PLPPR2: variants seen among roughly 807,000 people sequenced by gnomAD.
PLPPR2 encodes the protein phospholipid phosphatase related 2.
A neutral mutation model predicts 40.3 loss-of-function variants in PLPPR2; 11 were observed. The ratio of observed to expected loss-of-function variants is 0.27; its 90% CI spans 0.17 to 0.45. The LOEUF (loss-of-function observed/expected upper bound fraction) is 0.45, where lower values mean the gene tolerates loss of function less well. Ranked by LOEUF, PLPPR2 falls within the 20% of genes least tolerant of loss-of-function variation. The pLI, the probability that PLPPR2 is intolerant of heterozygous loss-of-function variation, is 1.00. For synonymous variants in PLPPR2, 260 were observed against 290.8 expected (o/e 0.89, Z 1.08); for missense variants, 497 against 640.7 (o/e 0.78, Z 2.42).
intron 3 of PLPPR2, 143 bp downstream of exon 3, chr19:11,357,882 G>T (rs573275577): frequency 4.7e-6 from 3 of 643,706 alleles, no homozygotes; most frequent in Non-Finnish European, 7.5e-6. Context: ...TATGAGCTTA[G>T]ATTCAGAAGT....
At position 11,359,691 on chromosome 19, in the gene PLPPR2, G is replaced by T; in HGVS notation, c.226G>T (p.Ala76Ser). 1 of 1,605,438 alleles carries T rather than the reference G, an allele frequency of 6.2e-7. No homozygotes were observed. Among genetic ancestry groups the T allele is most frequent in the South Asian group, 1.1e-5 (1 of 89,876 alleles). Residue 76 changes from alanine to serine, a missense_variant, in exon 4 of 10, where the codon GCA becomes TCA. Coordinates refer to ENST00000688289, the MANE Select transcript of PLPPR2 (RefSeq NM_001393892.1). The surrounding 1 kb of genome is among the most constrained non-coding windows in gnomAD (Gnocchi z 5.6). ...ASRVPPALVY[A>S]LVTAGPTLTI... ...CCGAGTGCCTCCTGCTCTTGTCTAC[G>T]CACTGGTCACTGCCGGGCCCACCCT...
rs1273081491 is a variant in PLPPR2 at position 11,363,184 on chromosome 19, G to C, written c.840+495G>C. 6.6e-6 allele frequency among the ~76,000 whole-genome samples: 1 copy of C among 151,930 alleles called. No homozygotes were observed. Among genetic ancestry groups the C allele is most frequent in the Non-Finnish European group, 1.5e-5 (1 of 68,012 alleles). On this transcript the variant is annotated intron_variant, in intron 7 of 9. Coordinates refer to ENST00000688289, the MANE Select transcript of PLPPR2 (RefSeq NM_001393892.1). The surrounding 1 kb of genome is among the most constrained non-coding windows in gnomAD (Gnocchi z 4.8). ...TAGTCCCAGCTACTTGGGAGGCTGA[G>C]GCAGAAGAATCGCTTGAACCCGGGG...
rs148073278 is a variant in PLPPR2, at chr19:11,362,436, C to G, written c.664-77C>G. The G allele has an allele frequency of 5.3e-4, 837 of 1,573,342 alleles. 4 individuals are homozygous for G. In the African/African-American group the frequency reaches 9.1e-3, roughly 17 times the overall value. On this transcript the variant is annotated intron_variant, in intron 6 of 9. Transcript: ENST00000688289. This position sits in a 1 kb window ranked among gnomAD's most constrained non-coding sequence, Gnocchi z 5.3. ...AGCCCCAACGCTCTGGCCATGCGCT[C>G]TAGCCCAGAAAGGAGCGTCCACTTG...
At position 11,361,321 on chromosome 19, in the gene PLPPR2, T is replaced by A. The variant is rs367608863; in HGVS notation, c.496T>A (p.Tyr166Asn). 1 of 1,613,718 alleles carries A rather than the reference T, an allele frequency of 6.2e-7. No individual in the cohort carries two copies. Among genetic ancestry groups the A allele is most frequent in the African/African-American group, 1.3e-5 (1 of 75,056 alleles). ...PHFLSVCRPN[Y>N]TALGCLPPSP... ...CTTCCTGTCCGTGTGCCGCCCCAAC[T>A]ACACGGCCCTGGGCTGCCTGCCACC... Residue 166 changes from tyrosine to asparagine, a missense_variant, in exon 6 of 10, where the codon TAC (tyrosine) becomes AAC (asparagine). Transcript: ENST00000688289. This position sits in a 1 kb window ranked among gnomAD's most constrained non-coding sequence, Gnocchi z 6.3.
At chr19:11,356,701 G>A (rs1449985649) in intron 1 of PLPPR2, 101 bp from the exon 2 acceptor site, 2 of 139,706 alleles carry the variant, frequency 1.4e-5, no homozygotes, top group Admixed American at 1.4e-4. Flanking sequence ...TGTGGTGCCA[G>A]GATGGAGGCT....
In PLPPR2 at chr19:11,359,862, A is replaced by T. The variant is rs766533153; in HGVS notation, c.297A>T (p.Pro99=). The part of the protein sequence containing the change: ...GELARAFFPA[P]PSAVPVIGES... ...TGGCGCGTGCCTTTTTCCCTGCACC[A>T]CCTTCAGCCGTCCCAGTCATCGGGG... The change falls in exon 5 of 10, where the codon CCA becomes CCT. Residue 99 remains proline, a synonymous_variant. Coordinates refer to ENST00000688289, the MANE Select transcript of PLPPR2 (RefSeq NM_001393892.1). The surrounding 1 kb of genome is among the most constrained non-coding windows in gnomAD (Gnocchi z 5.6). 9.3e-6 allele frequency: 15 copies of T among 1,613,652 alleles called. No homozygotes were observed. The highest frequency in any genetic ancestry group is 1.3e-5 in the Non-Finnish European group (15 of 1,179,734).
At chr19:11,355,921 C>T (rs1228167553) in intron 1 of PLPPR2, among the ~76,000 whole-genome samples, 1 of 150,998 alleles carries the variant, frequency 6.6e-6, no homozygotes, top group Non-Finnish European at 1.5e-5. Flanking sequence ...GTGCGGCTGT[C>T]GTTGTGGGTG....
rs1968050240 is a variant in PLPPR2, at chr19:11,361,670, CCAGT to C, written c.663+186_663+189del. ...CTCCTCCCAGATCCTAGCCACGCCCCCAGTCAGAGGCTATCGCTGTCCATTGACT... is the reference window on the plus strand; with the variant it reads ...CTCCTCCCAGATCCTAGCCACGCCCCCAGAGGCTATCGCTGTCCATTGACT... On this transcript the variant is annotated intron_variant, in intron 6 of 9. Transcript: ENST00000688289. This position sits in a 1 kb window ranked among gnomAD's most constrained non-coding sequence, Gnocchi z 6.3. Among the ~76,000 whole-genome samples, 1 of 152,154 alleles carries C rather than the reference CCAGT, an allele frequency of 6.6e-6. No individual in the cohort carries two copies. The highest frequency in any genetic ancestry group is 1.5e-5 in the Non-Finnish European group (1 of 67,994).
rs370370232 is a variant in PLPPR2, at chr19:11,364,802, C to G, written c.*112C>G. 7.3e-6 allele frequency: 9 copies of G among 1,237,094 alleles called. No homozygotes were observed. Among genetic ancestry groups the G allele is most frequent in the South Asian group, 2.8e-5 (2 of 71,244 alleles). 76.6% of individuals were successfully genotyped at this position (1,237,094 alleles called of 1,614,324 possible). A position where few individuals can be genotyped will look rare whatever the true frequency, so the allele number is the denominator to read the frequency against. On this transcript the variant is annotated 3_prime_UTR_variant, in exon 10 of 10. Transcript: ENST00000688289. This position sits in a 1 kb window ranked among gnomAD's most constrained non-coding sequence, Gnocchi z 5.8. ...CCCCTGCCCCCCAAGCCAGCCAGAC[C>G]CAGACATTAGAAGATGGCTAGAAGG... is the stretch of plus-strand genomic sequence containing the variant.
intron 1 of PLPPR2, among the ~76,000 whole-genome samples, chr19:11,356,216 T>C (rs1008430477): frequency 2.6e-5 from 4 of 152,004 alleles, no homozygotes; most frequent in African/African-American, 4.8e-5. Flanking sequence ...CCTGTGACTG[T>C]TGGTGTGAAT....
chr19:11,356,382 GTGTGGGGGCT>G (rs1369299503), intron 1 of PLPPR2, among the ~76,000 whole-genome samples: 1 of 151,136 alleles, frequency 6.6e-6, no homozygotes, highest in East Asian at 1.9e-4. Context: ...GACTGTAGCG[GTGTGGGGGCT>G]TGTGTGGGAC....
rs900414615 is a variant in PLPPR2 at position 11,361,591 on chromosome 19, G to C, written c.663+103G>C. 6.9e-7 allele frequency: 1 copy of C among 1,459,544 alleles called. No homozygotes were observed. 90.4% of individuals were successfully genotyped at this position (1,459,544 alleles called of 1,614,324 possible). On this transcript the variant is annotated intron_variant, in intron 6 of 9. Coordinates refer to ENST00000688289, the MANE Select transcript of PLPPR2 (RefSeq NM_001393892.1). The surrounding 1 kb of genome is among the most constrained non-coding windows in gnomAD (Gnocchi z 6.3). ...TGGAGCCTCTGCTCTTCCACGCCCCGGGTGCTGTTGGAAGCTCTCGCTCCA... is the reference window on the plus strand; with the variant it reads ...TGGAGCCTCTGCTCTTCCACGCCCCCGGTGCTGTTGGAAGCTCTCGCTCCA...
Position 11,361,398 on chromosome 19 carries a change from C to T in PLPPR2, c.573C>T (p.Cys191=), listed in dbSNP as rs1380098169. 14 of 1,609,832 alleles carry T rather than the reference C, an allele frequency of 8.7e-6. No homozygotes were observed. The highest frequency in any genetic ancestry group is 5.0e-5 in the Admixed American group (3 of 59,976). Reference sequence around the variant, plus strand: ...GCTTTGTCACTGACCAGGGTGCCTGCGCTGGCAGTCCCAGCCTCGTGGCCG... The same window carrying T: ...GCTTTGTCACTGACCAGGGTGCCTGTGCTGGCAGTCCCAGCCTCGTGGCCG... The part of the protein sequence containing the change: ...PDRFVTDQGA[C]AGSPSLVAAA... The change falls in exon 6 of 10, where the codon TGC becomes TGT. Residue 191 remains cysteine, a synonymous_variant. Transcript: ENST00000688289. The surrounding 1 kb of genome is among the most constrained non-coding windows in gnomAD (Gnocchi z 6.3).
chr19:11,361,369 G>A lies in PLPPR2; in HGVS notation c.544G>A (p.Asp182Asn), dbSNP rs1318410979. 1.2e-6 allele frequency: 2 copies of A among 1,612,140 alleles called. No individual in the cohort carries two copies. The highest frequency in any genetic ancestry group is 1.7e-6 in the Non-Finnish European group (2 of 1,179,900). ...LPPSPDRPGPDRFVTDQGACA... is the reference protein window; with the variant it reads ...LPPSPDRPGPNRFVTDQGACA... Reference sequence around the variant, plus strand: ...ACCTTCTCCGGATCGGCCAGGTCCCGACCGCTTTGTCACTGACCAGGGTGC... The same window carrying A: ...ACCTTCTCCGGATCGGCCAGGTCCCAACCGCTTTGTCACTGACCAGGGTGC... The change falls in exon 6 of 10, where the codon GAC (aspartate) becomes AAC (asparagine). Residue 182 changes from aspartate to asparagine, a missense_variant. Transcript: ENST00000688289. This position sits in a 1 kb window ranked among gnomAD's most constrained non-coding sequence, Gnocchi z 6.3.
Position 11,364,889 on chromosome 19 carries a change from G to A in PLPPR2, c.*199G>A, listed in dbSNP as rs1968153000. On this transcript the variant is annotated 3_prime_UTR_variant, in exon 10 of 10. Coordinates refer to ENST00000688289, the MANE Select transcript of PLPPR2 (RefSeq NM_001393892.1). The surrounding 1 kb of genome is among the most constrained non-coding windows in gnomAD (Gnocchi z 5.8). ...ATATCCCGATGGGCACAAATGGAAG[G>A]TGCGCACTTGCCCCTACTATTGCCC... The A allele has an allele frequency of 1.8e-5, 12 of 651,940 alleles. No individual in the cohort carries two copies. The highest frequency in any genetic ancestry group is 3.5e-4 in the Middle Eastern group (1 of 2,828). 40.4% of individuals were successfully genotyped at this position (651,940 alleles called of 1,614,324 possible).
In PLPPR2 at chr19:11,359,931, A is replaced by G. The variant is rs1374908376; in HGVS notation, c.366A>G (p.Pro122=). 1.2e-6 allele frequency: 2 copies of G among 1,611,052 alleles called. No homozygotes were observed. The highest frequency in any genetic ancestry group is 1.1e-5 in the South Asian group (1 of 90,926). Reference sequence around the variant, plus strand: ...GGGCCTGCTGCCGCTTCAGCCCCCCAGTGCGGAGGCTGGTCCGCTTCCTGG... The same window carrying G: ...GGGCCTGCTGCCGCTTCAGCCCCCCGGTGCGGAGGCTGGTCCGCTTCCTGG... ...VSGACCRFSP[P]VRRLVRFLGV... is the part of the protein sequence containing the mutation. The change falls in exon 5 of 10, where the codon CCA becomes CCG. Residue 122 remains proline, a synonymous_variant. Transcript: ENST00000688289. This position sits in a 1 kb window ranked among gnomAD's most constrained non-coding sequence, Gnocchi z 5.6.
Position 11,362,334 on chromosome 19 carries a change from C to G in PLPPR2, c.664-179C>G. On this transcript the variant is annotated intron_variant, in intron 6 of 9. Coordinates refer to ENST00000688289, the MANE Select transcript of PLPPR2 (RefSeq NM_001393892.1). This position sits in a 1 kb window ranked among gnomAD's most constrained non-coding sequence, Gnocchi z 5.3. ...TCAATCCCTGACCCCCCCCCCTTTG[C>G]CTTTTTGGTCACGCTCCCTGGAAAA... 80 of 381,328 alleles carry G rather than the reference C, an allele frequency of 2.1e-4. No individual in the cohort carries two copies. Among genetic ancestry groups the G allele is most frequent in the Non-Finnish European group, 2.3e-4 (46 of 200,192 alleles). 23.6% of individuals were successfully genotyped at this position (381,328 alleles called of 1,614,324 possible).
chr19:11,364,774 A>G lies in PLPPR2; in HGVS notation c.*84A>G. 6.8e-7 allele frequency: 1 copy of G among 1,469,092 alleles called. No individual in the cohort carries two copies. Among genetic ancestry groups the G allele is most frequent in the Non-Finnish European group, 9.2e-7 (1 of 1,091,856 alleles). The allele number at this position is 1,469,092 out of a possible 1,614,324, so 91.0% of individuals were successfully genotyped here. On this transcript the variant is annotated 3_prime_UTR_variant, in exon 10 of 10. Coordinates refer to ENST00000688289, the MANE Select transcript of PLPPR2 (RefSeq NM_001393892.1). This position sits in a 1 kb window ranked among gnomAD's most constrained non-coding sequence, Gnocchi z 5.8. ...TGTGCGTGTGCCACGTGAGTGCCAA[A>G]GTCCCCTGCCCCCCAAGCCAGCCAG...
chr19:11,361,094 C>A lies in PLPPR2; in HGVS notation c.392-123C>A. ...TCTTAAAGGAAGGGGGATGTTGGCA[C>A]AACTACAGGGTCCCAAGTGTGCTTT... is the stretch of plus-strand genomic sequence containing the variant. On this transcript the variant is annotated intron_variant, in intron 5 of 9. Coordinates refer to ENST00000688289, the MANE Select transcript of PLPPR2 (RefSeq NM_001393892.1). This position sits in a 1 kb window ranked among gnomAD's most constrained non-coding sequence, Gnocchi z 6.3. 4.7e-6 allele frequency: 6 copies of A among 1,289,934 alleles called. No homozygotes were observed. The highest frequency in any genetic ancestry group is 6.3e-6 in the Non-Finnish European group (6 of 958,082). 79.9% of individuals were successfully genotyped at this position (1,289,934 alleles called of 1,614,324 possible). A position where few individuals can be genotyped will look rare whatever the true frequency, so the allele number is the denominator to read the frequency against.
Sources: allele counts gnomAD v4.1 joint callset (sites outside exome capture counted in the v4.1 genomes callset), GRCh38; gene constraint gnomAD v4.1.1; non-coding constraint Gnocchi (gnomAD v3.1); transcripts MANE v1.5; gene names NCBI Gene and HGNC (gene_info 2026-07-23, HGNC 2026-07-21).